SLC38A1: variants seen among roughly 807,000 people sequenced by gnomAD.
SLC38A1 encodes the protein sodium-coupled neutral amino acid symporter 1.
Under a neutral mutation model 60.3 loss-of-function variants are expected in SLC38A1, and 18 were observed. The observed-to-expected ratio is 0.30, with a 90% CI of 0.21 to 0.44. The LOEUF is 0.44. Ranked by LOEUF, SLC38A1 falls within the 20% of genes least tolerant of loss-of-function variation. SLC38A1 has a pLI of 1.00. For missense variants in SLC38A1, 448 were observed against 587.2 expected (o/e 0.76, Z 2.45); for synonymous variants, 196 against 212.1 (o/e 0.92, Z 0.66).
At chr12:46,252,759 C>T (rs774140923) in intron 1 of SLC38A1, among the ~76,000 whole-genome samples, 11 of 151,520 alleles carry the variant, frequency 7.3e-5, no homozygotes, top group Non-Finnish European at 1.5e-4. Context: ...TTTCTATGTT[C>T]GTTGCAGCAT....
At chr12:46,215,474 C>A (rs1940365575) in intron 5 of SLC38A1, among the ~76,000 whole-genome samples, 1 of 151,958 alleles carries the variant, frequency 6.6e-6, no homozygotes, top group African/African-American at 2.4e-5. Flanking sequence ...TGCAGTGGCA[C>A]AATCTTGGCT....
intron 1 of SLC38A1, among the ~76,000 whole-genome samples, chr12:46,255,784 C>T (rs1318232563): frequency 3.3e-5 from 5 of 152,172 alleles, no homozygotes; most frequent in African/African-American, 7.2e-5. Flanking sequence ...AGCATAGCTA[C>T]GGGGTGTGGC....
intron 13 of SLC38A1, 134 bp downstream of exon 13, chr12:46,200,964 G>A (rs1939629414): frequency 1.4e-5 from 9 of 657,922 alleles, no homozygotes; most frequent in Admixed American, 3.0e-5. Context: ...GCTTTAAGTC[G>A]AAGAAAAAAC....
At chr12:46,194,524 T>A (rs930466075) in intron 16 of SLC38A1, among the ~76,000 whole-genome samples, 5 of 152,164 alleles carry the variant, frequency 3.3e-5, no homozygotes, top group African/African-American at 1.2e-4. Context: ...TCCTGAAGAG[T>A]GTTTTCTAAC....
intron 1 of SLC38A1, among the ~76,000 whole-genome samples, chr12:46,247,383 T>C (rs180775640): frequency 2.6e-5 from 4 of 152,236 alleles, no homozygotes; most frequent in East Asian, 1.9e-4. Context: ...AACTATGTGA[T>C]GTATGCACAA....
Position 46,223,452 on chromosome 12 carries a change from T to TCACACACACACACACA in SLC38A1, c.314+5685_314+5700dup, listed in dbSNP as rs146387838. On this transcript the variant is annotated intron_variant, in intron 5 of 16. Coordinates refer to ENST00000398637, the MANE Select transcript of SLC38A1 (RefSeq NM_030674.4). ...CTCCATCTCTCTTTCTCTCTCACAT[T>TCACACACACACACACA]CACACACACACACACACACACACAC... 3.0e-3 allele frequency among the ~76,000 whole-genome samples: 445 copies of TCACACACACACACACA among 146,174 alleles called. 1 individual carries two copies. The highest frequency in any genetic ancestry group is 0.011 in the African/African-American group (429 of 40,216).
chr12:46,220,143 C>A (rs553463766), intron 5 of SLC38A1, among the ~76,000 whole-genome samples: 2 of 152,228 alleles, frequency 1.3e-5, no homozygotes, highest in East Asian at 3.9e-4. Context: ...TCATTGTTAA[C>A]GCAATGCTAA....
intron 5 of SLC38A1, among the ~76,000 whole-genome samples, chr12:46,211,775 T>G (rs1233018379): frequency 6.6e-6 from 1 of 152,216 alleles, no homozygotes; most frequent in Admixed American, 6.5e-5. Flanking sequence ...TTAAGAGACG[T>G]AACATTGCAC....
intron 6 of SLC38A1, 143 bp from the exon 7 acceptor site, chr12:46,207,764 A>G: frequency 1.4e-6 from 1 of 712,342 alleles, no homozygotes; most frequent in South Asian, 1.7e-5. Flanking sequence ...TTTGGCCTTC[A>G]GGGGTTAAGG....
In SLC38A1 at chr12:46,241,942, A is replaced by G. The variant is rs577297010; in HGVS notation, c.-94+1258T>C. On this transcript the variant is annotated intron_variant, in intron 2 of 16. Transcript: ENST00000398637. ...TCTACAAAATGGAAGGAAATAGGGC[A>G]CCAGACAAAAAATTTTCTGCGGTAA... 5.3e-5 allele frequency among the ~76,000 whole-genome samples: 8 copies of G among 152,310 alleles called. No homozygotes were observed. In the East Asian group the frequency reaches 1.4e-3, roughly 26 times the overall value.
chr12:46,214,247 T>C (rs1242091396), intron 5 of SLC38A1, among the ~76,000 whole-genome samples: 1 of 152,156 alleles, frequency 6.6e-6, no homozygotes, highest in Admixed American at 6.5e-5. Flanking sequence ...TTCCTGAGAG[T>C]ATCTTAGACA....
In SLC38A1 at chr12:46,197,947, G is replaced by C. The variant is rs774149010; in HGVS notation, c.1236C>G (p.Pro412=). The change falls in exon 15 of 17, where the codon CCC becomes CCG. Residue 412 remains proline (P), a synonymous_variant. Transcript: ENST00000398637. ...VVINLLVIFI[P]SMKDIFGVVG... ...CGACTCCAAAAATATCCTTCATGGA[G>C]GGTATGAAGATCACCAACAAGTTGA... The C allele has an allele frequency of 1.9e-6, 3 of 1,614,040 alleles. No homozygotes were observed. The highest frequency in any genetic ancestry group is 2.2e-5 in the East Asian group (1 of 44,820).
intron 9 of SLC38A1, among the ~76,000 whole-genome samples, chr12:46,204,835 G>A (rs1178322131): frequency 5.3e-5 from 8 of 152,080 alleles, no homozygotes; most frequent in Admixed American, 2.6e-4. Flanking sequence ...ATTATATTAC[G>A]TGTTTTGATT....
chr12:46,239,652 T>C (rs1348310423), intron 3 of SLC38A1, 27 bp downstream of exon 3: 3 of 1,612,424 alleles, frequency 1.9e-6, no homozygotes, highest in East Asian at 4.5e-5. Context: ...TTTCACTGGA[T>C]AGAAATGTTA....
chr12:46,250,662 G>A (rs1592146579), intron 1 of SLC38A1, among the ~76,000 whole-genome samples: 1 of 152,214 alleles, frequency 6.6e-6, no homozygotes, highest in Middle Eastern at 3.4e-3. Context: ...AAATCAATGT[G>A]CAAAAATCAC....
Position 46,188,844 on chromosome 12 carries a change from C to G in SLC38A1, c.*126G>C, listed in dbSNP as rs531975137. 8.4e-6 allele frequency: 6 copies of G among 716,194 alleles called. No homozygotes were observed. In the Admixed American group the frequency reaches 9.7e-5, roughly 12 times the overall value. The allele number at this position is 716,194 out of a possible 1,614,324, so 44.4% of individuals were successfully genotyped here. ...TCTGTTTTGCAACCAAAAAGTTATT[C>G]CATTTTAAGTATCCTGTACATTTCT... On this transcript the variant is annotated 3_prime_UTR_variant, in exon 17 of 17. Transcript: ENST00000398637.
At chr12:46,225,518 C>A (rs191293615) in intron 5 of SLC38A1, among the ~76,000 whole-genome samples, 2 of 152,054 alleles carry the variant, frequency 1.3e-5, no homozygotes. Context: ...CTACTTGGTT[C>A]CCAGAAAGAT....
chr12:46,207,508 A>G (rs1242908764), intron 7 of SLC38A1, 21 bp downstream of exon 7: 2 of 1,604,924 alleles, frequency 1.2e-6, no homozygotes. Context: ...AGTTATGTAA[A>G]GAAAAGCATG....
At chr12:46,194,541 C>G (rs965648590) in intron 16 of SLC38A1, among the ~76,000 whole-genome samples, 11 of 152,186 alleles carry the variant, frequency 7.2e-5, no homozygotes, top group Non-Finnish European at 2.9e-5. Context: ...TAACTTGGAT[C>G]CATTCTCCCC....
Sources: gnomAD v4.1 joint callset for allele counts (sites outside exome capture counted in the v4.1 genomes callset) on GRCh38, gnomAD v4.1.1 for gene constraint, MANE v1.5 for transcripts, NCBI Gene and HGNC (gene_info 2026-07-23, HGNC 2026-07-21) for gene names.